KLF8: variants seen among roughly 807,000 people sequenced by gnomAD.
The protein encoded by KLF8 is KLF transcription factor 8, also known as Krueppel-like factor 8.
KLF8 carries 10 observed loss-of-function variants against 18.2 expected under a neutral mutation model. The observed-to-expected ratio is 0.55, with a 90% CI of 0.34 to 0.93. KLF8 has a LOEUF of 0.93. Among genes scored for constraint, KLF8 ranks in the 40% least tolerant of loss-of-function variants. The probability of loss-of-function intolerance (pLI) is 0.02; values close to 1 mark genes in which losing one functional copy is unlikely to be tolerated. For synonymous variants in KLF8, 109 were observed against 97.3 expected (o/e 1.12, Z -0.71); for missense variants, 264 against 277.9 (o/e 0.95, Z 0.36).
At chrX:55,936,757 G>A in the KLF8 span, among the ~76,000 whole-genome samples, 25 of 111,254 alleles carry the variant, frequency 2.2e-4, no homozygotes, top group African/African-American at 3.3e-4. Flanking sequence ...AGAGTCCTAC[G>A]CCCATGGATC....
the KLF8 span, among the ~76,000 whole-genome samples, chrX:56,222,749 C>A: frequency 8.8e-6 from 1 of 113,165 alleles, no homozygotes; most frequent in Admixed American, 9.2e-5. Context: ...CCCGGGGAGG[C>A]AGCTAAGGCC....
At chrX:56,251,328 G>A (rs1381360331) in intron 2 of KLF8, among the ~76,000 whole-genome samples, 1 of 112,018 alleles carries the variant, frequency 8.9e-6, no homozygotes, top group Non-Finnish European at 1.9e-5. Context: ...ATAGACTTGA[G>A]TATACAGTGT....
chrX:56,042,899 T>C, the KLF8 span, among the ~76,000 whole-genome samples: 1 of 111,855 alleles, frequency 8.9e-6, no homozygotes, highest in African/African-American at 3.3e-5. Flanking sequence ...CTTCTTTATG[T>C]GGTTGCCTCA....
At chrX:56,057,799 C>T in the KLF8 span, among the ~76,000 whole-genome samples, 1 of 110,604 alleles carries the variant, frequency 9.0e-6, no homozygotes, top group Non-Finnish European at 1.9e-5. Flanking sequence ...GCTGTCTCTG[C>T]CTCTGCTCCA....
At chrX:56,026,178 T>C in the KLF8 span, among the ~76,000 whole-genome samples, 2 of 111,776 alleles carry the variant, frequency 1.8e-5, no homozygotes, top group South Asian at 3.8e-4. Context: ...TCCTTCCGCC[T>C]TTACAGCTGT....
At chrX:56,262,298 C>T (rs894271155) in intron 2 of KLF8, among the ~76,000 whole-genome samples, 7 of 112,067 alleles carry the variant, frequency 6.2e-5, no homozygotes, top group Admixed American at 3.8e-4. Context: ...ATCAGTTCTT[C>T]AGTTTCTTGA....
the KLF8 span, among the ~76,000 whole-genome samples, chrX:56,091,164 A>C: frequency 1.8e-5 from 2 of 111,055 alleles, no homozygotes; most frequent in Non-Finnish European, 3.8e-5. Context: ...GGACCTGGTG[A>C]GAGGTGATTG....
chrX:55,990,120 A>C, the KLF8 span, among the ~76,000 whole-genome samples: 155 of 111,222 alleles, frequency 1.4e-3, no homozygotes, highest in Non-Finnish European at 2.4e-3. Context: ...CTTGCTAGTG[A>C]TCTATCAATT....
the KLF8 span, among the ~76,000 whole-genome samples, chrX:56,140,844 C>A: frequency 1.8e-5 from 2 of 109,150 alleles, no homozygotes; most frequent in Non-Finnish European, 3.8e-5. Flanking sequence ...ATTTCCATAC[C>A]CACCAACTGT....
At chrX:56,194,883 G>T in the KLF8 span, among the ~76,000 whole-genome samples, 1 of 112,212 alleles carries the variant, frequency 8.9e-6, no homozygotes, top group East Asian at 2.8e-4. Flanking sequence ...AGCAATATTT[G>T]CTGTTCTGCA....
At chrX:55,961,172 G>A in the KLF8 span, 1 of 246,592 alleles carries the variant, frequency 4.1e-6, no homozygotes, top group South Asian at 5.2e-5. Flanking sequence ...CCTCCACTCT[G>A]TCCTGTGGCT....
At chrX:56,284,091 A>G (rs2067239890) in intron 5 of KLF8, among the ~76,000 whole-genome samples, 1 of 112,642 alleles carries the variant, frequency 8.9e-6, no homozygotes, top group East Asian at 2.8e-4. Flanking sequence ...AACTCGACTT[A>G]GCCATTCCAC....
the KLF8 span, among the ~76,000 whole-genome samples, chrX:55,991,450 C>T: frequency 8.9e-6 from 1 of 112,108 alleles, no homozygotes; most frequent in Non-Finnish European, 1.9e-5. Flanking sequence ...CTTTCACTTC[C>T]TGGGTGAGGC....
the KLF8 span, among the ~76,000 whole-genome samples, chrX:56,149,377 G>A: frequency 3.6e-5 from 4 of 110,976 alleles, no homozygotes; most frequent in Non-Finnish European, 5.7e-5. Flanking sequence ...TGGGAGCTAA[G>A]CATTGGGTAC....
At chrX:55,990,106 T>G in the KLF8 span, among the ~76,000 whole-genome samples, 1 of 112,017 alleles carries the variant, frequency 8.9e-6, no homozygotes, top group South Asian at 3.7e-4. Flanking sequence ...TCTTCTTTAT[T>G]AGTCTTGCTA....
rs1274128070 is a variant in KLF8, at chrX:56,265,642, G to C, written c.544G>C (p.Val182Leu). ...MGGLKTIPVV[V>L]QSLPMVYTTL... The stretch of plus-strand genomic sequence containing the variant: ...TGGCCTGAAGACCATCCCAGTGGTA[G>C]TGCAGTCTCTGCCCATGGTGTATAC... The change falls in exon 3 of 6, where the codon GTG becomes CTG. Residue 182 changes from valine to leucine, a missense_variant. Physicochemically the swap from Val to Leu is conservative, Grantham distance 32. Around this residue, in one of 2 missense-constraint regions of KLF8, gnomAD observed 221 missense variants for 193.6 expected, o/e 1.14. Transcript: ENST00000468660. The C allele has an allele frequency of 1.7e-6, 2 of 1,211,236 alleles. No homozygotes were observed. The highest frequency in any genetic ancestry group is 2.2e-6 in the Non-Finnish European group (2 of 895,168).
chrX:56,052,797 C>A, the KLF8 span, among the ~76,000 whole-genome samples: 1 of 111,973 alleles, frequency 8.9e-6, no homozygotes, highest in African/African-American at 3.2e-5. Flanking sequence ...GGGCTCCACC[C>A]AGTTGGAGCT....
chrX:56,103,545 T>C, the KLF8 span, among the ~76,000 whole-genome samples: 1 of 111,603 alleles, frequency 9.0e-6, no homozygotes, highest in Admixed American at 9.5e-5. Flanking sequence ...TGCTTGTGAT[T>C]TTTGCACATT....
chrX:56,165,810 A>C, the KLF8 span, among the ~76,000 whole-genome samples: 1 of 109,010 alleles, frequency 9.2e-6, no homozygotes, highest in Non-Finnish European at 1.9e-5. Flanking sequence ...GTAGTGAGCT[A>C]TGATTGCACC....
Sources: gnomAD v4.1 joint callset for allele counts (sites outside exome capture counted in the v4.1 genomes callset) on GRCh38, gnomAD v4.1.1 for gene constraint, gnomAD v4.1.1 regional missense constraint, MANE v1.5 for transcripts, NCBI Gene and HGNC (gene_info 2026-07-23, HGNC 2026-07-21) for gene names.